Variants in AR observed in about 807,000 individuals in gnomAD.
AR encodes androgen receptor, also known as dihydrotestosterone receptor.
Under a neutral mutation model 53.9 loss-of-function variants are expected in AR, and 8 were observed. The ratio of observed to expected loss-of-function variants is 0.15; its 90% CI spans 0.09 to 0.27. The LOEUF is 0.27. Ranked by LOEUF, AR falls within the 10% of genes least tolerant of loss-of-function variation. The probability of loss-of-function intolerance (pLI) is 1.00; values close to 1 mark genes in which losing one functional copy is unlikely to be tolerated. For missense variants in AR, 639 were observed against 742.5 expected, an observed-to-expected ratio of 0.86 and a Z score of 1.62; for synonymous variants, 359 against 316.4, an observed-to-expected ratio of 1.13 and a Z score of -1.43.
intron 3 of AR, among the ~76,000 whole-genome samples, chrX:67,693,718 C>A (rs1190038303): frequency 8.9e-6 from 1 of 111,734 alleles, no homozygotes; most frequent in Non-Finnish European, 1.9e-5. Context: ...TCTGTGACAA[C>A]AGATATCTAG....
intron 1 of AR, among the ~76,000 whole-genome samples, chrX:67,642,532 T>C (rs755392586): frequency 1.8e-5 from 2 of 111,516 alleles, no homozygotes; most frequent in African/African-American, 3.3e-5. Context: ...TCATTGTACA[T>C]CATTTTTTCA....
intron 2 of AR, among the ~76,000 whole-genome samples, chrX:67,664,219 T>C (rs1226078015): frequency 4.5e-5 from 5 of 111,906 alleles, no homozygotes; most frequent in Non-Finnish European, 7.5e-5. Flanking sequence ...TTTCCGGTTT[T>C]TCTGCTCTGT....
chrX:67,661,775 C>T (rs1395575570), intron 2 of AR, among the ~76,000 whole-genome samples: 2 of 111,378 alleles, frequency 1.8e-5, no homozygotes, highest in African/African-American at 6.5e-5. Context: ...GGTACCAGCT[C>T]CTCCTTGTAC....
intron 4 of AR, among the ~76,000 whole-genome samples, 185 bp downstream of exon 4, chrX:67,711,874 A>G (rs1185703706): frequency 8.9e-6 from 1 of 112,214 alleles, no homozygotes; most frequent in South Asian, 3.7e-4. Context: ...CTCAGAAAGC[A>G]AAGAGAAAGA....
intron 1 of AR, among the ~76,000 whole-genome samples, chrX:67,592,499 CA>C (rs1485104071): frequency 9.0e-6 from 1 of 110,839 alleles, no homozygotes; most frequent in Non-Finnish European, 1.9e-5. Context: ...TATAAAAACA[CA>C]AAATTCTGGA....
intron 1 of AR, among the ~76,000 whole-genome samples, chrX:67,618,243 G>A (rs1398043308): frequency 2.7e-5 from 3 of 111,142 alleles, no homozygotes; most frequent in African/African-American, 9.8e-5. Context: ...GAAGTGCATG[G>A]CCAGGACATG....
At chrX:67,675,277 C>G (rs935847765) in intron 2 of AR, among the ~76,000 whole-genome samples, 1 of 109,253 alleles carries the variant, frequency 9.2e-6, no homozygotes, top group Non-Finnish European at 1.9e-5. Context: ...AGGGGTGGCA[C>G]AAGCACTCTC....
chrX:67,572,771 C>A (rs1382386927), intron 1 of AR, among the ~76,000 whole-genome samples: 1 of 111,315 alleles, frequency 9.0e-6, no homozygotes, highest in Non-Finnish European at 1.9e-5. Flanking sequence ...GGAAACTCTA[C>A]TGTGTATTTG....
intron 2 of AR, among the ~76,000 whole-genome samples, chrX:67,685,367 G>C (rs750785413): frequency 1.8e-5 from 2 of 111,473 alleles, no homozygotes; most frequent in East Asian, 2.8e-4. Flanking sequence ...GTTCATGACA[G>C]TGATCTTTGT....
intron 1 of AR, among the ~76,000 whole-genome samples, chrX:67,578,397 A>T (rs1415376446): frequency 1.8e-5 from 2 of 111,849 alleles, no homozygotes. Flanking sequence ...TGTGTGTGAA[A>T]CAATGAGCAC....
intron 1 of AR, among the ~76,000 whole-genome samples, chrX:67,627,397 T>G (rs182097354): frequency 8.9e-6 from 1 of 112,533 alleles, no homozygotes; most frequent in African/African-American, 3.2e-5. Context: ...GTGAGCATTT[T>G]TTCATGTGTT....
intron 1 of AR, among the ~76,000 whole-genome samples, chrX:67,573,767 G>A (rs916591937): frequency 2.7e-5 from 3 of 111,856 alleles, no homozygotes; most frequent in African/African-American, 6.5e-5. Context: ...GTGTCACACA[G>A]CGAGTTATTG....
Position 67,726,561 on chromosome X carries a change from C to T in AR, c.*2720C>T, listed in dbSNP as rs755168821. The T allele has an allele frequency of 3.4e-5, 6 of 174,203 alleles. No individual in the cohort carries two copies. Among genetic ancestry groups the T allele is most frequent in the African/African-American group, 1.5e-4 (5 of 34,043 alleles). The allele number at this position is 174,203 out of a possible 1,213,427, so 14.4% of individuals were successfully genotyped here. A position where few individuals can be genotyped will look rare whatever the true frequency, so the allele number is the denominator to read the frequency against. ...TTTTTCATTTGCAAAAGCCAAAAAT[C>T]AGTGAAACAGCAGTGTAATTAAAAG... On this transcript the variant is annotated 3_prime_UTR_variant, in exon 8 of 8. Transcript: ENST00000374690.
intron 5 of AR, among the ~76,000 whole-genome samples, chrX:67,720,868 A>G (rs1219934772): frequency 9.7e-6 from 1 of 103,596 alleles, no homozygotes; most frequent in African/African-American, 3.7e-5. Flanking sequence ...CTGCACAATC[A>G]ATTTCTGTCT....
intron 5 of AR, 32 bp from the exon 6 acceptor site, chrX:67,721,801 A>C: frequency 8.3e-7 from 1 of 1,210,283 alleles, no homozygotes; most frequent in Non-Finnish European, 1.1e-6. Context: ...ACTTCCCCTC[A>C]TTCCTTTTTC....
rs143785065 is a variant in AR at position 67,685,099 on chromosome X, C to T, written c.1769-911C>T. Among the ~76,000 whole-genome samples the T allele has an allele frequency of 1.3e-4, 14 of 111,193 alleles. No homozygotes were observed. The East Asian group carries it at 4.0e-3, about 32-fold the overall frequency. ...ACGGTTGCAAGCATGAGAAGTTCTG[C>T]GTGTTTCAGAGCAGCCAAGGATGTA... is the stretch of plus-strand genomic sequence containing the variant. On this transcript the variant is annotated intron_variant, in intron 2 of 7. Coordinates refer to ENST00000374690, the MANE Select transcript of AR (RefSeq NM_000044.6).
chrX:67,678,220 G>T (rs773305412), intron 2 of AR, among the ~76,000 whole-genome samples: 5 of 111,632 alleles, frequency 4.5e-5, no homozygotes, highest in Non-Finnish European at 9.4e-5. Context: ...AGAGTGGCCT[G>T]ACAAGAGAAG....
chrX:67,695,406 G>A, intron 3 of AR: 1 of 753,696 alleles, frequency 1.3e-6, no homozygotes, highest in Non-Finnish European at 1.6e-6. Context: ...AACACACTGA[G>A]AGACTACAGT....
At position 67,724,807 on chromosome X, in the gene AR, C is replaced by T. The variant is rs1263742937; in HGVS notation, c.*966C>T. 1 of 173,877 alleles carries T rather than the reference C, an allele frequency of 5.8e-6. No individual in the cohort carries two copies. The highest frequency in any genetic ancestry group is 7.9e-5 in the Admixed American group (1 of 12,616). The allele number at this position is 173,877 out of a possible 1,213,427, so 14.3% of individuals were successfully genotyped here. On this transcript the variant is annotated 3_prime_UTR_variant, in exon 8 of 8. Coordinates refer to ENST00000374690, the MANE Select transcript of AR (RefSeq NM_000044.6). ...AGACCTTTGAACTGAATGTTCTCTT[C>T]AGCCAAAACTTGGCGACTTCCACAG...
Sources: gnomAD v4.1 joint callset for allele counts (sites outside exome capture counted in the v4.1 genomes callset) on GRCh38, gnomAD v4.1.1 for gene constraint, MANE v1.5 for transcripts, NCBI Gene and HGNC (gene_info 2026-07-23, HGNC 2026-07-21) for gene names.